The following ABCA9 variants were observed in gnomAD, a reference collection of about 807,000 sequenced individuals.
The protein encoded by ABCA9 is ATP binding cassette subfamily A member 9, also known as ATP-binding cassette sub-family A member 9.
Under a neutral mutation model 205.3 loss-of-function variants are expected in ABCA9, and 183 were observed. That is an observed-to-expected ratio of 0.89 (90% CI 0.79 to 1.01). The LOEUF (loss-of-function observed/expected upper bound fraction) is 1.01, where lower values mean the gene tolerates loss of function less well. ABCA9 is among the 50% of genes least tolerant of loss of function. ABCA9 has a pLI of 0.00. For synonymous variants in ABCA9, 651 were observed against 683.3 expected, an observed-to-expected ratio of 0.95 and a Z score of 0.74; for missense variants, 1,805 against 1,912.4, an observed-to-expected ratio of 0.94 and a Z score of 1.05.
intron 5 of ABCA9, among the ~76,000 whole-genome samples, chr17:69,044,137 G>A (rs529768252): frequency 6.6e-6 from 1 of 152,224 alleles, no homozygotes; most frequent in Non-Finnish European, 1.5e-5. Context: ...GGGCTGCAGT[G>A]AGCTATAATC....
At chr17:68,989,756 G>A in intron 30 of ABCA9, 57 bp downstream of exon 30, 1 of 1,058,550 alleles carries the variant, frequency 9.4e-7, no homozygotes. Flanking sequence ...CTTATTCCCT[G>A]AATAATCCAG....
At chr17:68,990,592 C>A (rs1488203464) in intron 29 of ABCA9, among the ~76,000 whole-genome samples, 1 of 152,086 alleles carries the variant, frequency 6.6e-6, no homozygotes, top group African/African-American at 2.4e-5. Flanking sequence ...TTACTTGTTG[C>A]CCAGGCTGGT....
chr17:68,986,436 G>T, intron 31 of ABCA9, 112 bp from the exon 32 acceptor site: 1 of 1,051,584 alleles, frequency 9.5e-7, no homozygotes, highest in Non-Finnish European at 1.3e-6. Context: ...GGTGCTAAGT[G>T]CACAAATGCA....
intron 19 of ABCA9, among the ~76,000 whole-genome samples, chr17:69,019,564 T>C (rs2070746409): frequency 6.6e-6 from 1 of 152,138 alleles, no homozygotes. Flanking sequence ...CACAGGATTG[T>C]CTGTTATTTA....
chr17:69,006,553 A>T lies in ABCA9; in HGVS notation c.3435+1206T>A, dbSNP rs192651227. 1.7e-3 allele frequency among the ~76,000 whole-genome samples: 256 copies of T among 152,358 alleles called. 2 individuals carry two copies. The highest frequency in any genetic ancestry group is 5.8e-3 in the African/African-American group (242 of 41,586). ...ACAGATATATAATTATGCCTTCTAC[A>T]TGATTCCATTTTTATTAAGTTCAGA... On this transcript the variant is annotated intron_variant, in intron 25 of 38. Coordinates refer to ENST00000340001, the MANE Select transcript of ABCA9 (RefSeq NM_080283.4).
intron 23 of ABCA9, 34 bp downstream of exon 23, chr17:69,011,942 A>G: frequency 1.3e-6 from 2 of 1,490,146 alleles, no homozygotes; most frequent in Non-Finnish European, 9.2e-7. Flanking sequence ...TTCTCTAGAT[A>G]TAAAAAACAT....
In ABCA9 at chr17:68,986,310, C is replaced by G. The variant is rs2069238647; in HGVS notation, c.4062G>C (p.Gly1354=). 6 of 1,608,228 alleles carry G rather than the reference C, an allele frequency of 3.7e-6. No individual in the cohort carries two copies. The highest frequency in any genetic ancestry group is 5.1e-6 in the Non-Finnish European group (6 of 1,177,812). The change falls in exon 32 of 39, where the codon GGG becomes GGC. Residue 1354 remains glycine, a synonymous_variant. Transcript: ENST00000340001. Reference sequence around the variant, plus strand: ...AGCCCAGGGGTTCCCCTCCACCGCTCCCTTTCAAAATCACCTATGCAAAAT... The same window carrying G: ...AGCCCAGGGGTTCCCCTCCACCGCTGCCTTTCAAAATCACCTATGCAAAAT... The part of the protein sequence containing the change: ...KPTAGQVILK[G]SGGGEPLGFL...
chr17:69,014,720 G>A (rs1454274635), intron 22 of ABCA9, among the ~76,000 whole-genome samples: 1 of 152,114 alleles, frequency 6.6e-6, no homozygotes, highest in Non-Finnish European at 1.5e-5. Flanking sequence ...CAGGCAGCAT[G>A]CAAGAAGCAC....
chr17:68,984,207 A>T, intron 34 of ABCA9, 32 bp from the exon 35 acceptor site: 1 of 1,609,466 alleles, frequency 6.2e-7, no homozygotes, highest in Admixed American at 1.7e-5. Context: ...ACGTGAACTC[A>T]TGGGAATGCT....
intron 15 of ABCA9, 127 bp from the exon 16 acceptor site, chr17:69,026,594 G>C: frequency 1.1e-6 from 1 of 873,442 alleles, no homozygotes; most frequent in Non-Finnish European, 1.7e-6. Context: ...TCTAATTCTG[G>C]CCATACGTAA....
chr17:68,991,069 A>G, intron 28 of ABCA9, 112 bp from the exon 29 acceptor site: 1 of 1,182,640 alleles, frequency 8.5e-7, no homozygotes, highest in Non-Finnish European at 1.2e-6. Flanking sequence ...TCAGAGCACA[A>G]CATCCTCTCT....
chr17:69,062,236 C>A (rs2072274827), upstream of ABCA9, among the ~76,000 whole-genome samples: 1 of 151,688 alleles, frequency 6.6e-6, no homozygotes, highest in Non-Finnish European at 1.5e-5. Flanking sequence ...TTATCACATT[C>A]AATACATTTA....
rs775791164 is a variant in ABCA9, at chr17:69,028,524, T to C, written c.1615+11A>G. 6.5e-7 allele frequency: 1 copy of C among 1,546,346 alleles called. No individual in the cohort carries two copies. The highest frequency in any genetic ancestry group is 8.9e-7 in the Non-Finnish European group (1 of 1,128,694). ...GTCCAGGTACTTGTCCTTGGATAAC[T>C]GTCTTCTTACCTGATGTTGGAACTG... On this transcript the variant is annotated intron_variant, in intron 12 of 38. Coordinates refer to ENST00000340001, the MANE Select transcript of ABCA9 (RefSeq NM_080283.4).
chr17:69,066,803 G>A, the ABCA9 span, among the ~76,000 whole-genome samples: 1 of 152,176 alleles, frequency 6.6e-6, no homozygotes, highest in Non-Finnish European at 1.5e-5. Context: ...CTTCAAATAG[G>A]TATCAAGGAG....
intron 6 of ABCA9, 171 bp downstream of exon 6, chr17:69,043,318 T>G: frequency 1.8e-6 from 1 of 557,098 alleles, no homozygotes; most frequent in South Asian, 2.4e-5. Flanking sequence ...TACATGAAGC[T>G]TTGCTCACTT....
chr17:69,059,038 C>T lies in ABCA9; in HGVS notation c.-14+1828G>A, dbSNP rs577019445. Reference sequence around the variant, plus strand: ...TATAAAACCATCAGATCTCGTGAGACTTGAATACTATCATGAGAACAGCCC... The same window carrying T: ...TATAAAACCATCAGATCTCGTGAGATTTGAATACTATCATGAGAACAGCCC... On this transcript the variant is annotated intron_variant, in intron 1 of 38. Coordinates refer to ENST00000340001, the MANE Select transcript of ABCA9 (RefSeq NM_080283.4). Among the ~76,000 whole-genome samples, 229 of 152,092 alleles carry T rather than the reference C, an allele frequency of 1.5e-3. 1 individual carries two copies. Among genetic ancestry groups the T allele is most frequent in the African/African-American group, 5.4e-3 (224 of 41,484 alleles).
intron 22 of ABCA9, among the ~76,000 whole-genome samples, chr17:69,013,165 G>C (rs1412159493): frequency 6.6e-6 from 1 of 152,164 alleles, no homozygotes; most frequent in South Asian, 2.1e-4. Context: ...ATTGTGAACA[G>C]TGCTGTAACA....
intron 15 of ABCA9, 75 bp downstream of exon 15, chr17:69,026,901 T>C: frequency 6.5e-7 from 1 of 1,539,564 alleles, no homozygotes; most frequent in Non-Finnish European, 8.8e-7. Flanking sequence ...GAGACACAGC[T>C]GTGGAGCATA....
chr17:69,012,138 G>A, intron 22 of ABCA9, 55 bp from the exon 23 acceptor site: 1 of 1,263,152 alleles, frequency 7.9e-7, no homozygotes, highest in South Asian at 1.3e-5. Context: ...TGTTTCATCT[G>A]TACTTTCTTA....
Sources: allele counts gnomAD v4.1 joint callset (sites outside exome capture counted in the v4.1 genomes callset), GRCh38; gene constraint gnomAD v4.1.1; transcripts MANE v1.5; gene names NCBI Gene and HGNC (gene_info 2026-07-23, HGNC 2026-07-21).